The following MEGF11 variants were observed in gnomAD, a reference collection of about 807,000 sequenced individuals.
MEGF11 encodes the protein multiple EGF like domains 11.
MEGF11 carries 126 observed loss-of-function variants against 146.6 expected under a neutral mutation model. That is an observed-to-expected ratio of 0.86 (90% CI 0.74 to 1.00). The LOEUF (loss-of-function observed/expected upper bound fraction) is 1.00, where lower values mean the gene tolerates loss of function less well. Ranked by LOEUF, MEGF11 falls within the 50% of genes least tolerant of loss-of-function variation. The pLI is 0.00. For synonymous variants in MEGF11, 532 were observed against 583.4 expected (o/e 0.91, Z 1.27); for missense variants, 1,509 against 1,521.2 (o/e 0.99, Z 0.13).
chr15:66,022,356 G>A (rs76048285), intron 5 of MEGF11, among the ~76,000 whole-genome samples: 3,477 of 152,370 alleles, frequency 0.023, 47 homozygotes, highest in Non-Finnish European at 0.036. Flanking sequence ...ATGGCCTCAG[G>A]CAGCTGTGCT....
intron 5 of MEGF11, among the ~76,000 whole-genome samples, chr15:66,088,243 A>C (rs2086189613): frequency 1.3e-5 from 2 of 152,234 alleles, no homozygotes; most frequent in Non-Finnish European, 2.9e-5. Flanking sequence ...ATTCTACTAG[A>C]CACTCAAAGA....
intron 5 of MEGF11, among the ~76,000 whole-genome samples, chr15:65,987,046 C>T (rs1393852954): frequency 6.6e-6 from 1 of 152,058 alleles, no homozygotes; most frequent in Non-Finnish European, 1.5e-5. Flanking sequence ...CTGGGCAACT[C>T]ACCCCCTTCC....
intron 1 of MEGF11, among the ~76,000 whole-genome samples, chr15:66,203,901 A>G (rs1233674177): frequency 6.6e-6 from 1 of 152,166 alleles, no homozygotes; most frequent in Admixed American, 6.6e-5. Context: ...GGATTTTTGG[A>G]GATGTATGTT....
chr15:66,133,069 G>A (rs2088722383), intron 1 of MEGF11, among the ~76,000 whole-genome samples: 1 of 152,148 alleles, frequency 6.6e-6, no homozygotes, highest in Admixed American at 6.5e-5. Context: ...CCCGAGAGAG[G>A]ACACCAAAGA....
Position 66,128,341 on chromosome 15 carries a change from G to A in MEGF11, c.63C>T (p.Asn21=), listed in dbSNP as rs754531839. ...FSFLQATLAL[N]PEDPNVCSHW... ...GGCTGCACACGTTGGGGTCCTCGGG[G>A]TTCAGGGCAAGGGTGGCTTGCAGGA... is the stretch of plus-strand genomic sequence containing the variant. Residue 21 remains asparagine (N), a synonymous_variant, in exon 2 of 26, where the codon AAC becomes AAT. Coordinates refer to ENST00000395614, the MANE Select transcript of MEGF11 (RefSeq NM_001385028.1). 6.6e-7 allele frequency: 1 copy of A among 1,526,186 alleles called. No individual in the cohort carries two copies. The highest frequency in any genetic ancestry group is 1.2e-5 in the South Asian group (1 of 80,240). The allele number at this position is 1,526,186 out of a possible 1,614,324, so 94.5% of individuals were successfully genotyped here. A position where few individuals can be genotyped will look rare whatever the true frequency, so the allele number is the denominator to read the frequency against.
intron 24 of MEGF11, among the ~76,000 whole-genome samples, chr15:65,902,976 A>G (rs1023525978): frequency 3.3e-5 from 5 of 152,202 alleles, no homozygotes; most frequent in Admixed American, 3.3e-4. Context: ...ACTGTCAGGG[A>G]AAAACCCAGG....
intron 5 of MEGF11, among the ~76,000 whole-genome samples, chr15:66,014,906 G>A (rs940952271): frequency 5.9e-5 from 9 of 151,986 alleles, no homozygotes; most frequent in African/African-American, 2.2e-4. Flanking sequence ...GAAGCTTCCT[G>A]TTGCCAGCTG....
chr15:66,162,935 T>C (rs2089994496), intron 1 of MEGF11, among the ~76,000 whole-genome samples: 1 of 152,216 alleles, frequency 6.6e-6, no homozygotes, highest in African/African-American at 2.4e-5. Context: ...ACATTGCATA[T>C]AGTCAAAATC....
intron 4 of MEGF11, among the ~76,000 whole-genome samples, chr15:66,117,285 C>G (rs1472513641): frequency 6.6e-6 from 1 of 152,136 alleles, no homozygotes; most frequent in Non-Finnish European, 1.5e-5. Context: ...ACTCTCCTGT[C>G]CCCTCCTAGA....
intron 5 of MEGF11, among the ~76,000 whole-genome samples, chr15:66,019,941 C>G (rs1448083539): frequency 6.6e-6 from 1 of 152,226 alleles, no homozygotes; most frequent in East Asian, 1.9e-4. Flanking sequence ...TTCAATCCTT[C>G]ACCTGCCCAT....
At chr15:66,102,489 C>G (rs1348958100) in intron 4 of MEGF11, among the ~76,000 whole-genome samples, 1 of 149,764 alleles carries the variant, frequency 6.7e-6, no homozygotes, top group Non-Finnish European at 1.5e-5. Flanking sequence ...GCTGGAGCAG[C>G]CATCACAGCT....
chr15:66,041,949 T>C (rs2083997719), intron 5 of MEGF11, among the ~76,000 whole-genome samples: 1 of 152,130 alleles, frequency 6.6e-6, no homozygotes, highest in East Asian at 1.9e-4. Context: ...CAAATCATCC[T>C]GCCTCTCTTG....
At position 66,119,186 on chromosome 15, in the gene MEGF11, C is replaced by T; in HGVS notation, c.201G>A (p.Arg67=). ...TCCGATACGCCGTCTTATAACTGAT[C>T]CTAAGGCACAAGGGAGAAAGCCACT... is the stretch of plus-strand genomic sequence containing the variant. The part of the protein sequence containing the change: ...ILNWFKCTRH[R]ISYKTAYRRG... Residue 67 remains arginine, a splice_region_variant and synonymous_variant, in exon 4 of 26, where the codon CGG becomes CGA. Coordinates refer to ENST00000395614, the MANE Select transcript of MEGF11 (RefSeq NM_001385028.1). 6.5e-7 allele frequency: 1 copy of T among 1,549,876 alleles called. No homozygotes were observed. The highest frequency in any genetic ancestry group is 8.7e-7 in the Non-Finnish European group (1 of 1,145,898).
At chr15:66,229,718 G>A (rs1028539047) in intron 1 of MEGF11, among the ~76,000 whole-genome samples, 9 of 149,872 alleles carry the variant, frequency 6.0e-5, no homozygotes, top group Non-Finnish European at 8.9e-5. Context: ...CAGGGAGGAA[G>A]GGCCCTTGGC....
At chr15:66,060,134 C>A (rs542299600) in intron 5 of MEGF11, among the ~76,000 whole-genome samples, 1 of 151,614 alleles carries the variant, frequency 6.6e-6, no homozygotes, top group Admixed American at 6.6e-5. Context: ...GAGATGGGGC[C>A]CGGGACCGGA....
intron 1 of MEGF11, among the ~76,000 whole-genome samples, chr15:66,197,540 A>G (rs1387085254): frequency 6.6e-6 from 1 of 152,110 alleles, no homozygotes; most frequent in Non-Finnish European, 1.5e-5. Context: ...CTCCTGCCTC[A>G]GTCTCCTGAA....
chr15:66,103,016 C>T (rs552982253), intron 4 of MEGF11, among the ~76,000 whole-genome samples: 1 of 152,338 alleles, frequency 6.6e-6, no homozygotes, highest in South Asian at 2.1e-4. Flanking sequence ...TTATTATCCC[C>T]TTTACACAAA....
intron 5 of MEGF11, among the ~76,000 whole-genome samples, chr15:66,017,768 G>A (rs1421771253): frequency 6.6e-6 from 1 of 152,218 alleles, no homozygotes; most frequent in African/African-American, 2.4e-5. Flanking sequence ...TCCAGAGAGA[G>A]GTTTCCCAAA....
At chr15:66,055,922 G>T (rs1319825314) in intron 5 of MEGF11, among the ~76,000 whole-genome samples, 3 of 152,102 alleles carry the variant, frequency 2.0e-5, no homozygotes, top group Admixed American at 2.0e-4. Context: ...TGGGCTTTCT[G>T]ACCATTAGTA....
Sources: gnomAD v4.1 joint callset for allele counts (sites outside exome capture counted in the v4.1 genomes callset) on GRCh38, gnomAD v4.1.1 for gene constraint, MANE v1.5 for transcripts, NCBI Gene and HGNC (gene_info 2026-07-23, HGNC 2026-07-21) for gene names.